The following ACBD3 variants were observed in gnomAD, a reference collection of about 807,000 sequenced individuals.
ACBD3 encodes the protein Golgi resident protein GCP60.
A neutral mutation model predicts 66.9 loss-of-function variants in ACBD3; 30 were observed. That is an observed-to-expected ratio of 0.45 (90% confidence interval 0.34 to 0.61). The LOEUF (loss-of-function observed/expected upper bound fraction) is 0.61. ACBD3 is among the 20% of genes least tolerant of loss of function. ACBD3 has a pLI of 0.02. For missense variants in ACBD3, 544 were observed against 664.5 expected (o/e 0.82, Z 1.99); for synonymous variants, 278 against 259.8 (o/e 1.07, Z -0.68).
At chr1:226,152,665 C>G (rs1659600654) in intron 6 of ACBD3, 46 bp from the exon 7 acceptor site, 1 of 1,565,028 alleles carries the variant, frequency 6.4e-7, no homozygotes, top group African/African-American at 1.4e-5. Flanking sequence ...GAGCCTTCAC[C>G]CTGCAGGTAG....
At chr1:226,160,955 C>A (rs1215954090) in intron 4 of ACBD3, among the ~76,000 whole-genome samples, 1 of 152,176 alleles carries the variant, frequency 6.6e-6, no homozygotes, top group East Asian at 1.9e-4. Context: ...GAAACATAGA[C>A]CAAATAAATC....
intron 5 of ACBD3, among the ~76,000 whole-genome samples, chr1:226,155,958 C>A (rs1037098008): frequency 6.6e-6 from 1 of 152,142 alleles, no homozygotes; most frequent in African/African-American, 2.4e-5. Context: ...TGGGACATTC[C>A]TCTTCTAAAT....
intron 5 of ACBD3, chr1:226,155,176 G>C (rs1490791183): frequency 6.3e-6 from 1 of 159,076 alleles, no homozygotes; most frequent in African/African-American, 2.4e-5. Context: ...CCAGCACTTT[G>C]AGAGGCGGAG....
intron 1 of ACBD3, among the ~76,000 whole-genome samples, chr1:226,173,613 T>C (rs80016350): frequency 0.035 from 5,347 of 152,128 alleles, 297 homozygotes; most frequent in African/African-American, 0.12. Flanking sequence ...TAAAAATCCT[T>C]CACAATCTAT....
rs1659435556 is a variant in ACBD3, at chr1:226,145,782, C to T, written c.*828G>A. 1 of 152,210 alleles carries T rather than the reference C, an allele frequency of 6.6e-6. No homozygotes were observed. The highest frequency in any genetic ancestry group is 2.1e-4 in the South Asian group (1 of 4,820). The allele number at this position is 152,210 out of a possible 1,614,324, so 9.4% of individuals were successfully genotyped here. Reference sequence around the variant, plus strand: ...GGTGCCAATTTGAGTTTATAAAATCCTTAATTTTATTCTTTGTGCAGAAAA... The same window carrying T: ...GGTGCCAATTTGAGTTTATAAAATCTTTAATTTTATTCTTTGTGCAGAAAA... On this transcript the variant is annotated 3_prime_UTR_variant, in exon 8 of 8. Coordinates refer to ENST00000366812, the MANE Select transcript of ACBD3 (RefSeq NM_022735.4).
At chr1:226,156,176 T>C (rs1659666152) in intron 5 of ACBD3, among the ~76,000 whole-genome samples, 2 of 152,246 alleles carry the variant, frequency 1.3e-5, no homozygotes, top group Non-Finnish European at 2.9e-5. Context: ...GGTACCCCTT[T>C]CTGGGCACCT....
chr1:226,186,255 GA>G, intron 1 of ACBD3, 134 bp downstream of exon 1: 1 of 1,183,512 alleles, frequency 8.4e-7, no homozygotes, highest in Non-Finnish European at 1.1e-6. Context: ...CCCAAGGAGG[GA>G]ACCCCGCTTG....
At chr1:226,162,205 G>C (rs550786905) in intron 3 of ACBD3, among the ~76,000 whole-genome samples, 2 of 151,522 alleles carry the variant, frequency 1.3e-5, no homozygotes, top group East Asian at 3.9e-4. Flanking sequence ...CTGAAATATC[G>C]CAGAGCCAAA....
chr1:226,185,256 G>T (rs946504942), intron 1 of ACBD3, among the ~76,000 whole-genome samples: 35 of 152,174 alleles, frequency 2.3e-4, no homozygotes, highest in African/African-American at 8.0e-4. Context: ...GTCATTGAAT[G>T]TGAAATGATC....
At chr1:226,150,628 C>T (rs945322796) in intron 7 of ACBD3, among the ~76,000 whole-genome samples, 7 of 152,280 alleles carry the variant, frequency 4.6e-5, no homozygotes, top group East Asian at 3.9e-4. Flanking sequence ...CCACCCACCT[C>T]GGCCTCCCAA....
At chr1:226,185,872 T>G (rs1353291404) in intron 1 of ACBD3, among the ~76,000 whole-genome samples, 2 of 152,194 alleles carry the variant, frequency 1.3e-5, no homozygotes, top group Non-Finnish European at 2.9e-5. Context: ...CACATCAATC[T>G]GCCGGGGGAT....
At chr1:226,158,054 C>T (rs1659708031) in intron 5 of ACBD3, among the ~76,000 whole-genome samples, 1 of 152,318 alleles carries the variant, frequency 6.6e-6, no homozygotes, top group Non-Finnish European at 1.5e-5. Flanking sequence ...AAAAATACCA[C>T]TTATTATCTT....
At chr1:226,148,950 A>G (rs1659509733) in intron 7 of ACBD3, among the ~76,000 whole-genome samples, 1 of 152,210 alleles carries the variant, frequency 6.6e-6, no homozygotes, top group Non-Finnish European at 1.5e-5. Context: ...AAATCATTTT[A>G]TGATTAGGAA....
In ACBD3 at chr1:226,186,702, G is replaced by T. The variant is rs1226295809; in HGVS notation, c.-27C>A. 13 of 1,458,112 alleles carry T rather than the reference G, an allele frequency of 8.9e-6. No individual in the cohort carries two copies. The highest frequency in any genetic ancestry group is 1.3e-5 in the South Asian group (1 of 75,430). The allele number at this position is 1,458,112 out of a possible 1,614,324, so 90.3% of individuals were successfully genotyped here. ...TCCGGCTGCTGCACCTCCTCAGCGG[G>T]GACAGACGGCAGCCACGTATCGACT... On this transcript the variant is annotated 5_prime_UTR_variant, in exon 1 of 8. Coordinates refer to ENST00000366812, the MANE Select transcript of ACBD3 (RefSeq NM_022735.4).
At chr1:226,162,378 GA>G (rs938136258) in intron 3 of ACBD3, among the ~76,000 whole-genome samples, 1 of 151,944 alleles carries the variant, frequency 6.6e-6, no homozygotes, top group African/African-American at 2.4e-5. Context: ...TGGGAAAAAA[GA>G]TTTTTTTCAG....
intron 7 of ACBD3, among the ~76,000 whole-genome samples, chr1:226,151,330 A>T (rs756057828): frequency 6.6e-6 from 1 of 152,216 alleles, no homozygotes. Flanking sequence ...ATCACTTTCA[A>T]TCAAGTCAAC....
At chr1:226,159,484 C>G (rs1237380329) in intron 4 of ACBD3, 126 bp from the exon 5 acceptor site, 8 of 788,936 alleles carry the variant, frequency 1.0e-5, no homozygotes, top group South Asian at 2.2e-5. Flanking sequence ...GTAATGTACA[C>G]CAATTAGTAT....
intron 1 of ACBD3, among the ~76,000 whole-genome samples, chr1:226,166,657 T>G (rs1659884182): frequency 6.6e-6 from 1 of 151,578 alleles, no homozygotes; most frequent in Non-Finnish European, 1.5e-5. Flanking sequence ...GTGGAAAATG[T>G]TTTTATTTTT....
chr1:226,173,696 C>A (rs1255256019), intron 1 of ACBD3, among the ~76,000 whole-genome samples: 2 of 151,460 alleles, frequency 1.3e-5, no homozygotes, highest in Non-Finnish European at 2.9e-5. Flanking sequence ...CTGGTTGACA[C>A]ATCACAAGAG....
Sources: allele counts gnomAD v4.1 joint callset (sites outside exome capture counted in the v4.1 genomes callset), GRCh38; gene constraint gnomAD v4.1.1; transcripts MANE v1.5; gene names NCBI Gene and HGNC (gene_info 2026-07-23, HGNC 2026-07-21).